SELENOF: variants seen among roughly 807,000 people sequenced by gnomAD.
The protein encoded by SELENOF is 15 kDa selenoprotein.
SELENOF carries 16 observed loss-of-function variants against 20.5 expected under a neutral mutation model. That is an observed-to-expected ratio of 0.78 (90% CI 0.53 to 1.19). The LOEUF is 1.19. Ranked by LOEUF, SELENOF falls within the 50% of genes most tolerant of loss-of-function variation. The pLI, the probability that SELENOF is intolerant of heterozygous loss-of-function variation, is 0.00. For missense variants in SELENOF, 215 were observed against 194.2 expected, an observed-to-expected ratio of 1.11 and a Z score of -0.64; for synonymous variants, 78 against 74.5, an observed-to-expected ratio of 1.05 and a Z score of -0.24.
At chr1:86,905,683 C>G (rs561728) in intron 1 of SELENOF, among the ~76,000 whole-genome samples, 39,401 of 152,056 alleles carry the variant, frequency 0.26, 6,291 homozygotes, top group African/African-American at 0.45. Context: ...AAATAAATCG[C>G]ACAAAGCCAT....
intron 1 of SELENOF, 177 bp downstream of exon 1, chr1:86,913,851 G>A (rs1660057225): frequency 4.9e-6 from 3 of 617,150 alleles, no homozygotes; most frequent in Non-Finnish European, 5.8e-6. Flanking sequence ...AGAAACCCAA[G>A]GCGGGGAAGG....
intron 2 of SELENOF, among the ~76,000 whole-genome samples, chr1:86,881,570 G>A (rs1659070830): frequency 6.6e-6 from 1 of 152,100 alleles, no homozygotes; most frequent in Non-Finnish European, 1.5e-5. Context: ...TGTTTTTTAT[G>A]GAGGTTCAAG....
intron 4 of SELENOF, among the ~76,000 whole-genome samples, chr1:86,867,515 C>CAAA (rs1307242735): frequency 6.6e-6 from 1 of 151,632 alleles, no homozygotes; most frequent in African/African-American, 2.4e-5. Flanking sequence ...ACAACAACAA[C>CAAA]AACAACAACA....
chr1:86,907,765 C>T (rs932642024), intron 1 of SELENOF, among the ~76,000 whole-genome samples: 1 of 152,024 alleles, frequency 6.6e-6, no homozygotes. Flanking sequence ...GGGTGGATCA[C>T]CTAAGGTCAG....
At chr1:86,895,577 C>G (rs931991410) in intron 2 of SELENOF, among the ~76,000 whole-genome samples, 2 of 152,166 alleles carry the variant, frequency 1.3e-5, no homozygotes, top group Non-Finnish European at 2.9e-5. Flanking sequence ...CAAGAACACT[C>G]GCTGAGTAGC....
intron 2 of SELENOF, among the ~76,000 whole-genome samples, chr1:86,882,353 C>A (rs1570385506): frequency 6.8e-6 from 1 of 147,070 alleles, no homozygotes. Context: ...GGTTAGACAA[C>A]TCCAGAAAAA....
intron 2 of SELENOF, among the ~76,000 whole-genome samples, chr1:86,882,060 C>T (rs1377210994): frequency 1.3e-5 from 2 of 151,508 alleles, no homozygotes; most frequent in African/African-American, 4.9e-5. Context: ...GGTGAAACCC[C>T]GTCACTACTA....
At chr1:86,874,220 C>T (rs930936860) in intron 3 of SELENOF, among the ~76,000 whole-genome samples, 69 of 151,934 alleles carry the variant, frequency 4.5e-4, no homozygotes, top group African/African-American at 1.6e-3. Flanking sequence ...CTGCCTGCCT[C>T]GGCCTCCCAA....
intron 1 of SELENOF, among the ~76,000 whole-genome samples, chr1:86,912,637 T>C (rs1660013304): frequency 2.0e-5 from 3 of 152,168 alleles, no homozygotes; most frequent in Admixed American, 2.0e-4. Context: ...AAGAAGTTGG[T>C]CTAGCCGACT....
intron 3 of SELENOF, among the ~76,000 whole-genome samples, chr1:86,871,520 G>A (rs1262482696): frequency 6.6e-6 from 1 of 152,064 alleles, no homozygotes; most frequent in Admixed American, 6.6e-5. Context: ...AACTTCAAAT[G>A]TTTTACTGAA....
chr1:86,864,886 C>T (rs1024657987), intron 4 of SELENOF, among the ~76,000 whole-genome samples: 5 of 151,874 alleles, frequency 3.3e-5, no homozygotes, highest in African/African-American at 4.8e-5. Flanking sequence ...TGCCCACCTC[C>T]GCCTCCCAAA....
intron 1 of SELENOF, among the ~76,000 whole-genome samples, chr1:86,905,109 G>C (rs1012709224): frequency 3.1e-4 from 47 of 152,126 alleles, no homozygotes; most frequent in African/African-American, 1.1e-3. Context: ...TAGTAAAATG[G>C]CATCATTTCT....
In SELENOF at chr1:86,914,068, G is replaced by A. The variant is rs1452075125; in HGVS notation, c.44C>T (p.Ala15Val). ...CGCCAACAACAACCGTAGCCCAAAC[G>A]CCGGCACCAGACACCCACTCGGCCC... is the stretch of plus-strand genomic sequence containing the variant. ...AAGPSGCLVP[A>V]FGLRLLLATV... is the part of the protein sequence containing the mutation. Residue 15 changes from alanine (A) to valine (V), a missense_variant, in exon 1 of 5, where the codon GCG becomes GTG. Physicochemically the swap from Ala to Val is moderately conservative, Grantham distance 64. Transcript: ENST00000331835. The A allele has an allele frequency of 1.9e-6, 3 of 1,613,858 alleles. No individual in the cohort carries two copies. The highest frequency in any genetic ancestry group is 1.7e-5 in the Admixed American group (1 of 60,016).
At chr1:86,898,871 A>G (rs1659596920) in intron 2 of SELENOF, among the ~76,000 whole-genome samples, 1 of 151,594 alleles carries the variant, frequency 6.6e-6, no homozygotes, top group African/African-American at 2.4e-5. Flanking sequence ...AGTGGAGGGA[A>G]GGTCAGCAGA....
chr1:86,891,714 C>T (rs1300285145), intron 2 of SELENOF, among the ~76,000 whole-genome samples: 3 of 151,988 alleles, frequency 2.0e-5, no homozygotes, highest in African/African-American at 4.8e-5. Context: ...TTCTGTTATA[C>T]AAATACATGA....
At chr1:86,906,006 A>T (rs1659818008) in intron 1 of SELENOF, among the ~76,000 whole-genome samples, 1 of 152,240 alleles carries the variant, frequency 6.6e-6, no homozygotes, top group Non-Finnish European at 1.5e-5. Flanking sequence ...CACCAGGTAG[A>T]TTAATATCCA....
chr1:86,899,993 G>T (rs1250769030), intron 2 of SELENOF, among the ~76,000 whole-genome samples: 9 of 139,280 alleles, frequency 6.5e-5, no homozygotes, highest in African/African-American at 2.2e-4. Flanking sequence ...GACGATGGGC[G>T]GCCGGGCAGA....
intron 1 of SELENOF, among the ~76,000 whole-genome samples, chr1:86,908,580 C>A (rs555799794): frequency 7.2e-4 from 110 of 152,294 alleles, no homozygotes; most frequent in African/African-American, 1.9e-3. Context: ...TTCACAGAAT[C>A]CATGATACAC....
chr1:86,868,814 C>G (rs920669180), intron 3 of SELENOF, among the ~76,000 whole-genome samples: 1 of 151,996 alleles, frequency 6.6e-6, no homozygotes, highest in Admixed American at 6.6e-5. Flanking sequence ...TTTATAGATA[C>G]GCCTATGTAA....
Sources: allele counts gnomAD v4.1 joint callset (sites outside exome capture counted in the v4.1 genomes callset), GRCh38; gene constraint gnomAD v4.1.1; transcripts MANE v1.5; gene names NCBI Gene and HGNC (gene_info 2026-07-23, HGNC 2026-07-21).